The following ANKRD36C variants were observed in gnomAD, a reference collection of about 807,000 sequenced individuals.
ANKRD36C encodes ankyrin repeat domain-containing protein 36C.
A neutral mutation model predicts 276.4 loss-of-function variants in ANKRD36C; 61 were observed. The ratio of observed to expected loss-of-function variants is 0.22; its 90% CI spans 0.18 to 0.27. ANKRD36C has a LOEUF of 0.27. Among genes scored for constraint, ANKRD36C ranks in the 10% least tolerant of loss-of-function variants. The probability of loss-of-function intolerance (pLI) is 1.00; values close to 1 mark genes in which losing one functional copy is unlikely to be tolerated. For synonymous variants in ANKRD36C, 483 were observed against 680.1 expected, an observed-to-expected ratio of 0.71 and a Z score of 4.51; for missense variants, 1,447 against 2,032.3, an observed-to-expected ratio of 0.71 and a Z score of 5.54.
intron 24 of ANKRD36C, among the ~76,000 whole-genome samples, chr2:95,930,802 C>A (rs79026132): frequency 4.7e-5 from 7 of 150,074 alleles, no homozygotes; most frequent in African/African-American, 1.7e-4. Flanking sequence ...AAATAACTAC[C>A]TCAGCAAACA....
chr2:95,911,266 A>G (rs1252935679), intron 42 of ANKRD36C, among the ~76,000 whole-genome samples: 1 of 151,508 alleles, frequency 6.6e-6, no homozygotes, highest in Non-Finnish European at 1.5e-5. Context: ...TAAAAATATC[A>G]TCAATTATCA....
At chr2:95,861,418 G>C (rs2259240) in intron 60 of ANKRD36C, among the ~76,000 whole-genome samples, 1 of 150,696 alleles carries the variant, frequency 6.6e-6, no homozygotes, top group Non-Finnish European at 1.5e-5. Flanking sequence ...CAAAAATATT[G>C]TAACCTTAAC....
Position 95,880,311 on chromosome 2 carries a change from A to G in ANKRD36C, c.3469+116T>C, listed in dbSNP as rs913692064. 33 of 1,133,906 alleles carry G rather than the reference A, an allele frequency of 2.9e-5. No individual in the cohort carries two copies. The African/African-American group carries it at 5.2e-4, about 18-fold the overall frequency. 70.2% of individuals were successfully genotyped at this position (1,133,906 alleles called of 1,614,324 possible). A position where few individuals can be genotyped will look rare whatever the true frequency, so the allele number is the denominator to read the frequency against. ...AAATGATAACAGCTGCATTATTTAG[A>G]TGAAATCCTGAAATAAAATATAAAA... On this transcript the variant is annotated intron_variant, in intron 58 of 66. Transcript: ENST00000456556.
At chr2:95,978,469 C>G (rs1271406241) in intron 5 of ANKRD36C, among the ~76,000 whole-genome samples, 1 of 152,072 alleles carries the variant, frequency 6.6e-6, no homozygotes, top group Non-Finnish European at 1.5e-5. Flanking sequence ...AAGGTCCTGG[C>G]TCTATAGCCA....
chr2:95,874,938 A>G (rs1675907765), intron 59 of ANKRD36C, among the ~76,000 whole-genome samples: 1 of 152,390 alleles, frequency 6.6e-6, no homozygotes, highest in East Asian at 1.9e-4. Context: ...AATGCTCACC[A>G]TCACTAGCCA....
At chr2:95,903,188 G>C (rs531052783) in intron 42 of ANKRD36C, 107 bp from the exon 53 acceptor site, 1 of 1,500,304 alleles carries the variant, frequency 6.7e-7, no homozygotes, top group Non-Finnish European at 9.0e-7. Flanking sequence ...CTGTATTAGC[G>C]TAGGCTTTGA....
intron 44 of ANKRD36C, among the ~76,000 whole-genome samples, chr2:95,898,215 G>C (rs1358929701): frequency 6.7e-6 from 1 of 149,344 alleles, no homozygotes; most frequent in Non-Finnish European, 1.5e-5. Context: ...GCAAGCATTA[G>C]ATATTGATCA....
chr2:95,890,084 C>T (rs1676303182), intron 46 of ANKRD36C, 90 bp from the exon 67 acceptor site: 2 of 1,486,538 alleles, frequency 1.3e-6, no homozygotes, highest in Non-Finnish European at 1.9e-6. Context: ...AATCTCTGTC[C>T]TCCTGCCTGT....
intron 48 of ANKRD36C, among the ~76,000 whole-genome samples, chr2:95,889,180 T>C (rs1337472165): frequency 6.6e-6 from 1 of 151,554 alleles, no homozygotes; most frequent in Non-Finnish European, 1.5e-5. Context: ...AATTCTAGCA[T>C]AGTTTCCTGC....
At chr2:95,883,992 C>T (rs1039046823) in intron 54 of ANKRD36C, among the ~76,000 whole-genome samples, 181 bp downstream of exon 74, 4 of 152,042 alleles carry the variant, frequency 2.6e-5, no homozygotes, top group Admixed American at 1.3e-4. Context: ...AATCTTACTT[C>T]GAAGATCACG....
At chr2:95,857,372 T>C in exon 62 of ANKRD36C, 1 of 1,609,378 alleles carries the variant, frequency 6.2e-7, no homozygotes, top group Non-Finnish European at 8.5e-7. Context: ...CCGGTTTAAT[T>C]GGTTTTGTCA....
At chr2:95,964,449 T>C (rs1400624894) in intron 6 of ANKRD36C, among the ~76,000 whole-genome samples, 1 of 152,064 alleles carries the variant, frequency 6.6e-6, no homozygotes, top group Non-Finnish European at 1.5e-5. Flanking sequence ...ATAACCATAT[T>C]GGTGGACTTC....
intron 8 of ANKRD36C, among the ~76,000 whole-genome samples, chr2:95,961,291 C>G (rs1678454143): frequency 6.6e-6 from 1 of 151,990 alleles, no homozygotes; most frequent in African/African-American, 2.4e-5. Context: ...CTTTTATCCT[C>G]TAGTTTAGCC....
intron 5 of ANKRD36C, among the ~76,000 whole-genome samples, chr2:95,978,650 T>G (rs1288885740): frequency 1.3e-5 from 2 of 152,102 alleles, no homozygotes; most frequent in South Asian, 4.1e-4. Flanking sequence ...TCGCTGAAAC[T>G]ATTTTGAAAT....
chr2:95,851,542 G>T (rs62156868), intron 66 of ANKRD36C, 152 bp downstream of exon 86: 9 of 688,076 alleles, frequency 1.3e-5, no homozygotes, highest in Admixed American at 8.9e-5. Flanking sequence ...GGTACCATCC[G>T]CAAGATATTT....
intron 16 of ANKRD36C, among the ~76,000 whole-genome samples, chr2:95,949,621 C>T (rs1678143297): frequency 6.6e-6 from 1 of 152,262 alleles, no homozygotes; most frequent in Non-Finnish European, 1.5e-5. Flanking sequence ...AAACTAAAAT[C>T]ACTCAATGAC....
intron 51 of ANKRD36C, 41 bp downstream of exon 71, chr2:95,886,175 A>C: frequency 6.5e-7 from 1 of 1,528,760 alleles, no homozygotes; most frequent in Non-Finnish European, 8.9e-7. Context: ...TTCATAGACT[A>C]TACAGTTAAT....
At chr2:95,913,604 C>T (rs993650471) in intron 40 of ANKRD36C, among the ~76,000 whole-genome samples, 1 of 151,288 alleles carries the variant, frequency 6.6e-6, no homozygotes, top group African/African-American at 2.4e-5. Flanking sequence ...CAGCAGAAAC[C>T]CCAAAATTAT....
intron 4 of ANKRD36C, among the ~76,000 whole-genome samples, chr2:95,981,242 T>C (rs1678908473): frequency 6.6e-6 from 1 of 151,464 alleles, no homozygotes; most frequent in African/African-American, 2.4e-5. Context: ...CTCATAAGCA[T>C]GTGCTAGGCA....
Sources: allele counts gnomAD v4.1 joint callset (sites outside exome capture counted in the v4.1 genomes callset), GRCh38; gene constraint gnomAD v4.1.1; transcripts MANE v1.5; gene names NCBI Gene and HGNC (gene_info 2026-07-23, HGNC 2026-07-21).